FREM3: variants seen among roughly 807,000 people sequenced by gnomAD.
FREM3 encodes FRAS1-related extracellular matrix protein 3.
FREM3 carries 105 observed loss-of-function variants against 129.1 expected under a neutral mutation model. That is an observed-to-expected ratio of 0.81 (90% CI 0.69 to 0.96). The LOEUF (loss-of-function observed/expected upper bound fraction) is 0.96. FREM3 is among the 40% of genes least tolerant of loss of function. The pLI, the probability that FREM3 is intolerant of heterozygous loss-of-function variation, is 0.00. For synonymous variants in FREM3, 1,014 were observed against 1,044.9 expected, an observed-to-expected ratio of 0.97 and a Z score of 0.57; for missense variants, 2,593 against 2,666.3, an observed-to-expected ratio of 0.97 and a Z score of 0.61.
intron 2 of FREM3, among the ~76,000 whole-genome samples, chr4:143,648,439 C>T (rs1443157156): frequency 1.3e-5 from 2 of 152,160 alleles, no homozygotes; most frequent in African/African-American, 4.8e-5. Context: ...AATGGTTTGG[C>T]TCTGTGTACC....
At position 143,699,575 on chromosome 4, in the gene FREM3, G is replaced by A; in HGVS notation, c.1101C>T (p.Asp367=). ...AGGAGACTGGAAGCCCTAGAGGGTC[G>A]TCGGTGCTGACCACGTAGCCCTGTT... ...PGQQGYVVST[D]DPLGLPVSFF... Residue 367 remains aspartate, a synonymous_variant, in exon 1 of 8, where the codon GAC becomes GAT. Coordinates refer to ENST00000329798, the MANE Select transcript of FREM3 (RefSeq NM_001168235.2). The surrounding 1 kb of genome is among the most constrained non-coding windows in gnomAD (Gnocchi z 4.2). The A allele has an allele frequency of 3.9e-6, 6 of 1,535,724 alleles. No homozygotes were observed. Among genetic ancestry groups the A allele is most frequent in the Non-Finnish European group, 5.2e-6 (6 of 1,146,070 alleles).
chr4:143,671,864 A>G (rs1578862216), intron 2 of FREM3, among the ~76,000 whole-genome samples: 1 of 152,236 alleles, frequency 6.6e-6, no homozygotes, highest in East Asian at 1.9e-4. Context: ...ATCACACGAA[A>G]TAAACGTGTG....
intron 6 of FREM3, among the ~76,000 whole-genome samples, chr4:143,603,112 A>T (rs1738601648): frequency 6.6e-6 from 1 of 152,168 alleles, no homozygotes; most frequent in Non-Finnish European, 1.5e-5. Flanking sequence ...ACTGTAATTT[A>T]TAATTTGTCA....
chr4:143,605,942 G>A (rs866584010), intron 6 of FREM3, among the ~76,000 whole-genome samples: 1 of 152,118 alleles, frequency 6.6e-6, no homozygotes, highest in African/African-American at 2.4e-5. Context: ...TTGGCTCATG[G>A]TTCTTTTTTC....
At chr4:143,684,949 AG>A (rs1740331864) in intron 2 of FREM3, among the ~76,000 whole-genome samples, 1 of 132,128 alleles carries the variant, frequency 7.6e-6, no homozygotes, top group Non-Finnish European at 1.5e-5. Flanking sequence ...ACCCAATCCA[AG>A]AAAGAAAAAA....
At position 143,652,421 on chromosome 4, in the gene FREM3, C is replaced by T. The variant is rs1739529281; in HGVS notation, c.5276-24661G>A. ...TCATGATCCACCCGCCTCGGCCTCCCAAAGTGCTGGGATTACAGGCGTGAG... is the reference window on the plus strand; with the variant it reads ...TCATGATCCACCCGCCTCGGCCTCCTAAAGTGCTGGGATTACAGGCGTGAG... On this transcript the variant is annotated intron_variant, in intron 2 of 7. Coordinates refer to ENST00000329798, the MANE Select transcript of FREM3 (RefSeq NM_001168235.2). Among the ~76,000 whole-genome samples the T allele has an allele frequency of 5.0e-5, 2 of 39,824 alleles. 1 individual carries two copies. Among genetic ancestry groups the T allele is most frequent in the Admixed American group, 5.8e-4 (2 of 3,472 alleles). The allele number at this position is 39,824 out of a possible 152,430, so 26.1% of individuals were successfully genotyped here.
rs1740673863 is a variant in FREM3, at chr4:143,700,341, G to C, written c.335C>G (p.Pro112Arg). The change falls in exon 1 of 8, where the codon CCG becomes CGG. Residue 112 changes from proline (P) to arginine (R), a missense_variant. Pro to Arg is a moderately radical substitution (Grantham distance 103). Coordinates refer to ENST00000329798, the MANE Select transcript of FREM3 (RefSeq NM_001168235.2). The stretch of plus-strand genomic sequence containing the variant: ...CCCGAAGGTGCAGGGGAAGCGGCGC[G>C]GGGAGAGCGCGCCCTTGAGCCGCGG... ...ALPRLKGALSPRRFPCTFGPR... is the reference protein window; with the variant it reads ...ALPRLKGALSRRRFPCTFGPR... 2.0e-6 allele frequency: 3 copies of C among 1,534,624 alleles called. No individual in the cohort carries two copies. The highest frequency in any genetic ancestry group is 2.6e-6 in the Non-Finnish European group (3 of 1,145,854).
intron 2 of FREM3, among the ~76,000 whole-genome samples, chr4:143,660,433 A>G (rs1246896518): frequency 6.6e-5 from 10 of 152,044 alleles, no homozygotes; most frequent in Admixed American, 1.3e-4. Context: ...GTTCTGTTCC[A>G]TTGATCTATA....
In FREM3 at chr4:143,696,048, T is replaced by C. The variant is rs1406202057; in HGVS notation, c.4628A>G (p.His1543Arg). The change falls in exon 1 of 8, where the codon CAT (histidine) becomes CGT (arginine). Residue 1543 changes from histidine (H) to arginine (R), a missense_variant. By Grantham distance (29) the His-to-Arg change is conservative. Coordinates refer to ENST00000329798, the MANE Select transcript of FREM3 (RefSeq NM_001168235.2). ...VDNKKPILTIHRLTLQKEDSQ... is the reference protein window; with the variant it reads ...VDNKKPILTIRRLTLQKEDSQ... Reference sequence around the variant, plus strand: ...ATCCTCTTTCTGTAGTGTTAGTCTATGGATGGTCAAGATAGGTTTCTTATT... The same window carrying C: ...ATCCTCTTTCTGTAGTGTTAGTCTACGGATGGTCAAGATAGGTTTCTTATT... 6.5e-7 allele frequency: 1 copy of C among 1,537,778 alleles called. No homozygotes were observed. The highest frequency in any genetic ancestry group is 2.4e-5 in the East Asian group (1 of 40,924).
intron 7 of FREM3, among the ~76,000 whole-genome samples, chr4:143,578,722 A>C (rs980362195): frequency 6.6e-6 from 1 of 152,218 alleles, no homozygotes; most frequent in Non-Finnish European, 1.5e-5. Flanking sequence ...ATGAAAAACC[A>C]TCAGACAAAC....
In FREM3 at chr4:143,699,243, T is replaced by G; in HGVS notation, c.1433A>C (p.His478Pro). The change falls in exon 1 of 8, where the codon CAT becomes CCT. Residue 478 changes from histidine to proline, a missense_variant. His to Pro is a moderately conservative substitution (Grantham distance 77, BLOSUM62 -2). This residue lies in a region of FREM3 where 2,276 missense variants were observed against 2,267.2 expected (regional missense o/e 1.00). Transcript: ENST00000329798. The surrounding 1 kb of genome is among the most constrained non-coding windows in gnomAD (Gnocchi z 4.2). Reference protein sequence around the residue: ...VKMAAVRGLRHGQLVVFGAPA... With the variant: ...VKMAAVRGLRPGQLVVFGAPA... ...TGCCCCAAACACCACCAGCTGCCCA[T>G]GTCTCAAGCCCCTGACTGCAGCCAT... 6.5e-7 allele frequency: 1 copy of G among 1,537,318 alleles called. No individual in the cohort carries two copies.
intron 5 of FREM3, among the ~76,000 whole-genome samples, chr4:143,615,850 C>G (rs1235831613): frequency 6.6e-6 from 1 of 151,334 alleles, no homozygotes; most frequent in Non-Finnish European, 1.5e-5. Context: ...GGTATCCCCC[C>G]AAGAGCAGGT....
At chr4:143,644,119 A>C (rs1436626767) in intron 2 of FREM3, among the ~76,000 whole-genome samples, 3 of 152,008 alleles carry the variant, frequency 2.0e-5, no homozygotes, top group Non-Finnish European at 4.4e-5. Context: ...CAAGAGAACA[A>C]TCCAGGCTCT....
intron 2 of FREM3, among the ~76,000 whole-genome samples, chr4:143,675,875 G>A (rs932548601): frequency 2.6e-5 from 4 of 152,022 alleles, no homozygotes; most frequent in Non-Finnish European, 5.9e-5. Context: ...CCAATAACAG[G>A]CTCTGAAACT....
At chr4:143,641,636 T>C (rs1739322403) in intron 2 of FREM3, among the ~76,000 whole-genome samples, 2 of 152,194 alleles carry the variant, frequency 1.3e-5, no homozygotes, top group Admixed American at 6.6e-5. Context: ...GCCAAGTTCT[T>C]GGCCAACACT....
At chr4:143,588,873 G>A (rs1431499133) in intron 6 of FREM3, among the ~76,000 whole-genome samples, 3 of 150,324 alleles carry the variant, frequency 2.0e-5, no homozygotes, top group African/African-American at 4.9e-5. Flanking sequence ...GGGTAAAAGT[G>A]TTCCTATTTC....
intron 6 of FREM3, among the ~76,000 whole-genome samples, chr4:143,599,642 G>A (rs1052041142): frequency 1.3e-5 from 2 of 152,184 alleles, no homozygotes; most frequent in Admixed American, 1.3e-4. Flanking sequence ...ACTTGGCAAG[G>A]CATGGTGTCC....
chr4:143,669,193 A>C (rs1739920587), intron 2 of FREM3, among the ~76,000 whole-genome samples: 1 of 152,216 alleles, frequency 6.6e-6, no homozygotes, highest in Non-Finnish European at 1.5e-5. Context: ...TAAGACTGAG[A>C]GGCCTGTGAA....
chr4:143,646,572 CCTT>C (rs754910656), intron 2 of FREM3, among the ~76,000 whole-genome samples: 43 of 152,254 alleles, frequency 2.8e-4, no homozygotes, highest in Non-Finnish European at 5.0e-4. Flanking sequence ...GGGGCTTCCT[CCTT>C]CTCTCAGCAC....
Sources: allele counts gnomAD v4.1 joint callset (sites outside exome capture counted in the v4.1 genomes callset), GRCh38; gene constraint gnomAD v4.1.1; regional missense constraint gnomAD v4.1.1; non-coding constraint Gnocchi (gnomAD v3.1); transcripts MANE v1.5; gene names NCBI Gene and HGNC (gene_info 2026-07-23, HGNC 2026-07-21).